DDAH1: variants seen among roughly 807,000 people sequenced by gnomAD.
DDAH1 encodes the protein dimethylarginine dimethylaminohydrolase 1, also known as N(G),N(G)-dimethylarginine dimethylaminohydrolase 1.
DDAH1 carries 19 observed loss-of-function variants against 28.8 expected under a neutral mutation model. The observed-to-expected ratio is 0.66, with a 90% CI of 0.46 to 0.97. The LOEUF is 0.97. Among genes scored for constraint, DDAH1 ranks in the 50% least tolerant of loss-of-function variants. The pLI, the probability that DDAH1 is intolerant of heterozygous loss-of-function variation, is 0.00. For missense variants in DDAH1, 326 were observed against 375.9 expected, an observed-to-expected ratio of 0.87 and a Z score of 1.10; for synonymous variants, 153 against 154.4, an observed-to-expected ratio of 0.99 and a Z score of 0.07.
chr1:85,522,324 T>C (rs1657718570), intron 1 of DDAH1, among the ~76,000 whole-genome samples: 1 of 68,018 alleles, frequency 1.5e-5, no homozygotes, highest in South Asian at 5.8e-4. Context: ...AGTTGAATCA[T>C]AAAAATTCCA....
In DDAH1 at chr1:85,318,534, G is replaced by C. The variant is rs2100774456; in HGVS notation, c.*2918C>G. 1.3e-5 allele frequency: 2 copies of C among 152,716 alleles called. No individual in the cohort carries two copies. 9.5% of individuals were successfully genotyped at this position (152,716 alleles called of 1,614,324 possible). The stretch of plus-strand genomic sequence containing the variant: ...TCCATTGTGATTGGTATACATGTAA[G>C]ATTGAGACATCAAGAGACTAAAAAT... On this transcript the variant is annotated 3_prime_UTR_variant, in exon 6 of 6. Coordinates refer to ENST00000284031, the MANE Select transcript of DDAH1 (RefSeq NM_012137.4).
intron 1 of DDAH1, among the ~76,000 whole-genome samples, chr1:85,550,027 T>A (rs1394437167): frequency 2.6e-5 from 4 of 152,190 alleles, no homozygotes; most frequent in Admixed American, 2.6e-4. Context: ...TAAATGTAGC[T>A]ACAGTGTCAT....
intron 1 of DDAH1, among the ~76,000 whole-genome samples, chr1:85,569,023 C>G (rs533798707): frequency 6.6e-6 from 1 of 152,166 alleles, no homozygotes; most frequent in African/African-American, 2.4e-5. Flanking sequence ...TAGTATGGTA[C>G]GATCATTTCA....
chr1:85,332,495 CCA>C (rs1647837178), intron 4 of DDAH1, among the ~76,000 whole-genome samples: 1 of 152,234 alleles, frequency 6.6e-6, no homozygotes, highest in South Asian at 2.1e-4. Flanking sequence ...ATTGTCATAG[CCA>C]CCTGAGCAAA....
At chr1:85,417,328 T>C (rs1652931120) in intron 1 of DDAH1, among the ~76,000 whole-genome samples, 2 of 152,028 alleles carry the variant, frequency 1.3e-5, no homozygotes, top group Admixed American at 1.3e-4. Flanking sequence ...GGGAGGGAAG[T>C]CAGGCCTGGC....
At chr1:85,484,773 C>G (rs1656143750) in intron 2 of DDAH1, among the ~76,000 whole-genome samples, 1 of 152,126 alleles carries the variant, frequency 6.6e-6, no homozygotes, top group African/African-American at 2.4e-5. Context: ...GCTCAGTAAC[C>G]CTATCACCAG....
intron 1 of DDAH1, among the ~76,000 whole-genome samples, chr1:85,397,158 C>T (rs186592188): frequency 1.5e-3 from 230 of 152,244 alleles, no homozygotes; most frequent in Non-Finnish European, 2.1e-3. Context: ...TCAGCTGCAT[C>T]ATTATAGACT....
At chr1:85,353,773 G>A (rs1649353536) in intron 2 of DDAH1, among the ~76,000 whole-genome samples, 1 of 152,058 alleles carries the variant, frequency 6.6e-6, no homozygotes, top group Non-Finnish European at 1.5e-5. Context: ...AAAAAATACT[G>A]ATTTCTCTCT....
At chr1:85,410,645 A>C (rs1652613032) in intron 1 of DDAH1, among the ~76,000 whole-genome samples, 1 of 152,112 alleles carries the variant, frequency 6.6e-6, no homozygotes. Context: ...CTCAAAAAAA[A>C]AAAAAAAATG....
intron 1 of DDAH1, among the ~76,000 whole-genome samples, chr1:85,520,616 A>G (rs1238701421): frequency 6.6e-6 from 1 of 152,246 alleles, no homozygotes; most frequent in Non-Finnish European, 1.5e-5. Flanking sequence ...AATGTCTCAG[A>G]GAAGTTTAAT....
chr1:85,484,935 T>G (rs1656151852), intron 2 of DDAH1, among the ~76,000 whole-genome samples: 1 of 152,208 alleles, frequency 6.6e-6, no homozygotes, highest in African/African-American at 2.4e-5. Flanking sequence ...AAGTTGGCTA[T>G]TTTGAACATT....
chr1:85,429,372 T>A (rs1347547408), intron 1 of DDAH1, among the ~76,000 whole-genome samples: 1 of 152,216 alleles, frequency 6.6e-6, no homozygotes, highest in Non-Finnish European at 1.5e-5. Context: ...TGCATAGTAT[T>A]CCATGGTGTA....
At chr1:85,547,246 G>C (rs552096194) in intron 1 of DDAH1, among the ~76,000 whole-genome samples, 1 of 152,274 alleles carries the variant, frequency 6.6e-6, no homozygotes, top group South Asian at 2.1e-4. Context: ...ACCTACGTCA[G>C]AGGGCTGTGT....
chr1:85,534,959 T>C (rs1232378427), intron 1 of DDAH1, among the ~76,000 whole-genome samples: 3 of 151,956 alleles, frequency 2.0e-5, no homozygotes, highest in East Asian at 1.9e-4. Context: ...AAAAACACAG[T>C]GTACCAAAGA....
At chr1:85,346,474 G>T (rs1648853605) in intron 4 of DDAH1, among the ~76,000 whole-genome samples, 1 of 152,174 alleles carries the variant, frequency 6.6e-6, no homozygotes, top group African/African-American at 2.4e-5. Flanking sequence ...AAAATAATTA[G>T]AAAAGGTTTT....
At chr1:85,407,010 G>T (rs547042458) in intron 1 of DDAH1, among the ~76,000 whole-genome samples, 2 of 151,986 alleles carry the variant, frequency 1.3e-5, no homozygotes, top group African/African-American at 4.8e-5. Context: ...TTCTTTAAGA[G>T]ACTTTAGACC....
chr1:85,411,644 GT>G (rs1298775285), intron 1 of DDAH1, among the ~76,000 whole-genome samples: 1 of 152,146 alleles, frequency 6.6e-6, no homozygotes, highest in Non-Finnish European at 1.5e-5. Context: ...ATTCTATTGG[GT>G]CCTAAATATA....
At chr1:85,331,863 A>G (rs1647788617) in intron 4 of DDAH1, among the ~76,000 whole-genome samples, 4 of 152,202 alleles carry the variant, frequency 2.6e-5, no homozygotes. Flanking sequence ...GCTGGAATTC[A>G]GCAGAGAAGT....
chr1:85,538,351 A>G (rs1658356801), intron 1 of DDAH1, among the ~76,000 whole-genome samples: 1 of 152,234 alleles, frequency 6.6e-6, no homozygotes, highest in African/African-American at 2.4e-5. Context: ...GAAGTGGGAA[A>G]GTTCTATGTG....
Sources: allele counts gnomAD v4.1 joint callset (sites outside exome capture counted in the v4.1 genomes callset), GRCh38; gene constraint gnomAD v4.1.1; transcripts MANE v1.5; gene names NCBI Gene and HGNC (gene_info 2026-07-23, HGNC 2026-07-21).